LRBA: variants seen among roughly 807,000 people sequenced by gnomAD.
The protein encoded by LRBA is lipopolysaccharide-responsive and beige-like anchor protein.
In LRBA, 176 loss-of-function variants were observed where a neutral mutation model predicts 330.0. The ratio of observed to expected loss-of-function variants is 0.53; its 90% CI spans 0.47 to 0.60. LRBA has a LOEUF of 0.60. Among genes scored for constraint, LRBA ranks in the 20% least tolerant of loss-of-function variants. The pLI is 0.00. For synonymous variants in LRBA, 1,230 were observed against 1,193.0 expected, an observed-to-expected ratio of 1.03 and a Z score of -0.64; for missense variants, 3,259 against 3,444.8, an observed-to-expected ratio of 0.95 and a Z score of 1.35.
At chr4:150,714,106 G>C (rs1184972449) in intron 36 of LRBA, among the ~76,000 whole-genome samples, 1 of 152,144 alleles carries the variant, frequency 6.6e-6, no homozygotes, top group Non-Finnish European at 1.5e-5. Flanking sequence ...AATTTAGAAA[G>C]GTTTATAGCA....
rs1415984921 is a variant in LRBA at position 150,321,344 on chromosome 4, C to T, written c.7477G>A (p.Ala2493Thr). ...QVSPLMFTDK[A>T]QQDVIMVLKF... The stretch of plus-strand genomic sequence containing the variant: ...AGGACCATGATAACATCCTGCTGGG[C>T]TTTGTCTGTGAACATCAATGGACTC... Residue 2493 changes from alanine to threonine, a missense_variant, in exon 50 of 57, where the codon GCC (alanine) becomes ACC (threonine). Physicochemically the swap from Ala to Thr is moderately conservative, Grantham distance 58 (BLOSUM62 0). Coordinates refer to ENST00000651943, the MANE Select transcript of LRBA (RefSeq NM_001364905.1). This position sits in a 1 kb window ranked among gnomAD's most constrained non-coding sequence, Gnocchi z 4.5. 1.2e-6 allele frequency: 2 copies of T among 1,602,386 alleles called. No homozygotes were observed. The highest frequency in any genetic ancestry group is 2.3e-5 in the East Asian group (1 of 43,906).
At position 150,662,190 on chromosome 4, in the gene LRBA, A is replaced by G. The variant is rs954952644; in HGVS notation, c.5921+21361T>C. ...TTCACAGAGGCTAATATTAACAAATATAATGTAATCCATGAAAAATCATGA... is the reference window on the plus strand; with the variant it reads ...TTCACAGAGGCTAATATTAACAAATGTAATGTAATCCATGAAAAATCATGA... On this transcript the variant is annotated intron_variant, in intron 37 of 56. Transcript: ENST00000651943. 4.6e-5 allele frequency among the ~76,000 whole-genome samples: 7 copies of G among 152,338 alleles called. No homozygotes were observed. The East Asian group carries it at 1.3e-3, about 29-fold the overall frequency.
intron 47 of LRBA, among the ~76,000 whole-genome samples, chr4:150,385,981 T>C (rs556671520): frequency 6.6e-6 from 1 of 152,306 alleles, no homozygotes; most frequent in East Asian, 1.9e-4. Context: ...TCTAGATACT[T>C]AGAGGAACAA....
intron 47 of LRBA, among the ~76,000 whole-genome samples, chr4:150,393,880 G>T (rs773566174): frequency 1.3e-5 from 2 of 152,170 alleles, no homozygotes; most frequent in Non-Finnish European, 2.9e-5. Flanking sequence ...ACCAATGCTA[G>T]ATTATTAATG....
At chr4:150,618,846 A>G (rs966953634) in intron 37 of LRBA, among the ~76,000 whole-genome samples, 12 of 38,366 alleles carry the variant, frequency 3.1e-4, no homozygotes, top group African/African-American at 5.1e-4. Flanking sequence ...ATATGTGTGT[A>G]TGTATATATA....
chr4:150,672,511 A>G (rs1359987295), intron 37 of LRBA, among the ~76,000 whole-genome samples: 1 of 152,066 alleles, frequency 6.6e-6, no homozygotes, highest in Non-Finnish European at 1.5e-5. Flanking sequence ...TAATTGTAGA[A>G]AAGCAATTTT....
chr4:150,674,880 G>GA (rs1485874755), intron 37 of LRBA, among the ~76,000 whole-genome samples: 1 of 151,552 alleles, frequency 6.6e-6, no homozygotes, highest in Non-Finnish European at 1.5e-5. Flanking sequence ...GTCTCAAAAC[G>GA]AAAAAACCAC....
At chr4:150,489,383 TAAGAATATAA>T (rs1213712783) in intron 41 of LRBA, among the ~76,000 whole-genome samples, 1 of 64,790 alleles carries the variant, frequency 1.5e-5, no homozygotes, top group Non-Finnish European at 2.9e-5. Flanking sequence ...ATATTACATA[TAAGAATATAA>T]AATATATTAT....
intron 40 of LRBA, among the ~76,000 whole-genome samples, chr4:150,555,788 A>ACACACACACACACAC (rs1554054001): frequency 4.9e-5 from 5 of 101,130 alleles, no homozygotes; most frequent in Admixed American, 9.0e-5. Context: ...CACACACACA[A>ACACACACACACACAC]ACAAATAGAA....
intron 47 of LRBA, among the ~76,000 whole-genome samples, chr4:150,387,715 A>G (rs1743297204): frequency 6.6e-6 from 1 of 152,162 alleles, no homozygotes; most frequent in Admixed American, 6.5e-5. Flanking sequence ...AAAGTTCCTA[A>G]GGGATGTAAA....
chr4:150,885,571 A>G (rs948973967), intron 17 of LRBA, among the ~76,000 whole-genome samples: 1 of 152,158 alleles, frequency 6.6e-6, no homozygotes, highest in South Asian at 2.1e-4. Context: ...TAGTGAGCCA[A>G]GACCATGCCA....
intron 34 of LRBA, among the ~76,000 whole-genome samples, chr4:150,788,936 T>C (rs1185589837): frequency 4.7e-5 from 7 of 150,078 alleles, no homozygotes; most frequent in Non-Finnish European, 8.9e-5. Flanking sequence ...GTGCCAGACA[T>C]GGTGGCGTGT....
intron 43 of LRBA, among the ~76,000 whole-genome samples, chr4:150,469,579 A>G (rs1722079764): frequency 6.6e-6 from 1 of 152,170 alleles, no homozygotes; most frequent in Non-Finnish European, 1.5e-5. Flanking sequence ...CACTAGTTCT[A>G]TAATTTCTAC....
intron 46 of LRBA, among the ~76,000 whole-genome samples, chr4:150,434,779 A>G (rs1476535862): frequency 2.0e-5 from 3 of 152,046 alleles, no homozygotes; most frequent in African/African-American, 4.8e-5. Context: ...TGAGCCTGGA[A>G]GGTCGAGGTT....
intron 30 of LRBA, among the ~76,000 whole-genome samples, chr4:150,818,532 CTGTGTGTGTGTGTG>C (rs74479974): frequency 6.9e-6 from 1 of 145,802 alleles, no homozygotes; most frequent in African/African-American, 2.5e-5. Context: ...TGACGAATGT[CTGTGTGTGTGTGTG>C]TGTGTGTGTG....
chr4:150,397,700 G>A (rs1581201388), intron 47 of LRBA, among the ~76,000 whole-genome samples: 2 of 152,122 alleles, frequency 1.3e-5, no homozygotes, highest in Admixed American at 1.3e-4. Context: ...CAGGTTTCTT[G>A]CACTGGAATC....
At chr4:150,919,560 AAACGTTGCATTAATGCAAAAATG>A (rs1733020129) in intron 5 of LRBA, among the ~76,000 whole-genome samples, 1 of 152,182 alleles carries the variant, frequency 6.6e-6, no homozygotes, top group Admixed American at 6.5e-5. Context: ...ACGTTGCATT[AAACGTTGCATTAATGCAAAAATG>A]AACGTTGCAT....
chr4:150,441,321 A>G (rs577435652), intron 44 of LRBA, among the ~76,000 whole-genome samples: 89 of 152,244 alleles, frequency 5.8e-4, no homozygotes, highest in Admixed American at 2.0e-4. Flanking sequence ...AGTCCCCATC[A>G]ATGAATTTTA....
intron 37 of LRBA, among the ~76,000 whole-genome samples, chr4:150,676,570 C>T (rs1782577986): frequency 6.6e-6 from 1 of 152,148 alleles, no homozygotes; most frequent in Non-Finnish European, 1.5e-5. Context: ...GAAGTAGAAG[C>T]AGCCCTGTCA....
Sources: allele counts gnomAD v4.1 joint callset (sites outside exome capture counted in the v4.1 genomes callset), GRCh38; gene constraint gnomAD v4.1.1; non-coding constraint Gnocchi (gnomAD v3.1); transcripts MANE v1.5; gene names NCBI Gene and HGNC (gene_info 2026-07-23, HGNC 2026-07-21).